The following GXYLT1 variants were observed in gnomAD, a reference collection of about 807,000 sequenced individuals.
GXYLT1 encodes the protein glycosyltransferase 8 domain containing 3.
Under a neutral mutation model 54.0 loss-of-function variants are expected in GXYLT1, and 29 were observed. The observed-to-expected ratio is 0.54, with a 90% CI of 0.40 to 0.73. GXYLT1 has a LOEUF of 0.73. Among genes scored for constraint, GXYLT1 ranks in the 30% least tolerant of loss-of-function variants. The pLI is 0.00. For missense variants in GXYLT1, 490 were observed against 553.4 expected (o/e 0.89, Z 1.15); for synonymous variants, 176 against 204.1 (o/e 0.86, Z 1.17).
chr12:42,143,444 C>T (rs1164519676), intron 1 of GXYLT1, among the ~76,000 whole-genome samples: 2 of 152,190 alleles, frequency 1.3e-5, no homozygotes, highest in Admixed American at 6.5e-5. Context: ...TTTCCCCTTT[C>T]ATTCTGGGAA....
chr12:42,139,957 G>T (rs201958389), intron 1 of GXYLT1, among the ~76,000 whole-genome samples: 1 of 151,938 alleles, frequency 6.6e-6, no homozygotes, highest in African/African-American at 2.4e-5. Flanking sequence ...CGAGGTGGGC[G>T]GATCATAAGG....
chr12:42,097,938 T>C lies in GXYLT1; in HGVS notation c.960A>G (p.Leu320=), dbSNP rs1470636866. Reference sequence around the variant, plus strand: ...GATTATGAAAAAACACGATATTCAATAGATCTTGATCACCCCATGTGATGT... The same window carrying C: ...GATTATGAAAAAACACGATATTCAACAGATCTTGATCACCCCATGTGATGT... ...KLNITWGDQD[L]LNIVFFHNPE... is the part of the protein sequence containing the mutation. Residue 320 remains leucine (L), a synonymous_variant, in exon 6 of 8, where the codon CTA becomes CTG. Transcript: ENST00000398675. The C allele has an allele frequency of 3.8e-6, 6 of 1,598,402 alleles. No individual in the cohort carries two copies. The Admixed American group carries it at 5.1e-5, about 14-fold the overall frequency.
intron 3 of GXYLT1, among the ~76,000 whole-genome samples, chr12:42,111,772 C>A (rs1402494302): frequency 6.6e-6 from 1 of 152,198 alleles, no homozygotes; most frequent in African/African-American, 2.4e-5. Flanking sequence ...CCTCTCTGAC[C>A]GCTTTGAAGA....
intron 3 of GXYLT1, among the ~76,000 whole-genome samples, chr12:42,115,560 A>T (rs1249284487): frequency 2.6e-5 from 4 of 152,152 alleles, no homozygotes; most frequent in African/African-American, 7.2e-5. Flanking sequence ...ATACCTAGGA[A>T]TCCAACTTAC....
chr12:42,105,655 C>T (rs2065414803), intron 5 of GXYLT1, among the ~76,000 whole-genome samples, 163 bp downstream of exon 5: 1 of 152,092 alleles, frequency 6.6e-6, no homozygotes, highest in African/African-American at 2.4e-5. Flanking sequence ...AATATGAACA[C>T]ACTTCTAGAT....
In GXYLT1 at chr12:42,109,684, T is replaced by C. The variant is rs748325247; in HGVS notation, c.494A>G (p.Asn165Ser). The C allele has an allele frequency of 1.6e-5, 24 of 1,517,470 alleles. No individual in the cohort carries two copies. Among genetic ancestry groups the C allele is most frequent in the East Asian group, 1.4e-4 (6 of 42,954 alleles). The allele number at this position is 1,517,470 out of a possible 1,614,324, so 94.0% of individuals were successfully genotyped here. A position where few individuals can be genotyped will look rare whatever the true frequency, so the allele number is the denominator to read the frequency against. Residue 165 changes from asparagine to serine, a missense_variant, in exon 4 of 8, where the codon AAC (asparagine) becomes AGC (serine). Around this residue, in one of 2 missense-constraint regions of GXYLT1, gnomAD observed 342 missense variants for 342.6 expected, o/e 1.00. Transcript: ENST00000398675. ...LHHSFKGRLD[N>S]WSFLQTFNYT... is the part of the protein sequence containing the mutation. The stretch of plus-strand genomic sequence containing the variant: ...ATTAAATGTTTGTAGAAATGACCAG[T>C]TGTCAAGCTAAAACAATTTAAAAAA...
chr12:42,107,471 A>G (rs2629522), intron 4 of GXYLT1, among the ~76,000 whole-genome samples: 98,216 of 152,034 alleles, frequency 0.65, 33,227 homozygotes, highest in African/African-American at 0.86. Context: ...CGGGCAGATC[A>G]CCTGAGGTCA....
chr12:42,116,276 A>T (rs919714296), intron 3 of GXYLT1, among the ~76,000 whole-genome samples: 1 of 152,170 alleles, frequency 6.6e-6, no homozygotes, highest in African/African-American at 2.4e-5. Context: ...CAAAATTGAC[A>T]AATGGGATCT....
chr12:42,144,615 C>A lies in GXYLT1; in HGVS notation c.32G>T (p.Cys11Phe). The A allele has an allele frequency of 6.8e-7, 1 of 1,475,392 alleles. No homozygotes were observed. Among genetic ancestry groups the A allele is most frequent in the Non-Finnish European group, 9.0e-7 (1 of 1,111,364 alleles). 91.4% of individuals were successfully genotyped at this position (1,475,392 alleles called of 1,614,324 possible). MRRYLRVVVL[C>F]VACGFCSLLY... ...GAGCGAGCAGAAGCCGCAGGCCACA[C>A]ACAGCACCACGACGCGCAGGTAGCG... The change falls in exon 1 of 8, where the codon TGT becomes TTT. Residue 11 changes from cysteine to phenylalanine, a missense_variant. Physicochemically the swap from Cys to Phe is radical, Grantham distance 205. This residue lies in a region of GXYLT1 where 148 missense variants were observed against 210.7 expected (regional missense o/e 0.70). Transcript: ENST00000398675.
rs10785329 is a variant in GXYLT1, at chr12:42,117,022, A to T, written c.486+1978T>A. ...AAACCATCATTCTCAGCAAACTATC[A>T]CAAGGACAAAAAACCAAACACCACA... On this transcript the variant is annotated intron_variant, in intron 3 of 7. Transcript: ENST00000398675. Among the ~76,000 whole-genome samples, 56 of 149,468 alleles carry T rather than the reference A, an allele frequency of 3.7e-4. No individual in the cohort carries two copies. The East Asian group carries it at 9.7e-3, about 26-fold the overall frequency.
In GXYLT1 at chr12:42,089,851, T is replaced by TA. The variant is rs550975769; in HGVS notation, c.1162-1905dup. ...AAAAGTGTAGCCAGGTTGAAGAAGG[T>TA]AAACTTCACCAAGTGATACTTTCAA... On this transcript the variant is annotated intron_variant, in intron 7 of 7. Transcript: ENST00000398675. 2.0e-3 allele frequency among the ~76,000 whole-genome samples: 305 copies of TA among 152,300 alleles called. 1 individual carries two copies. Among genetic ancestry groups the TA allele is most frequent in the Non-Finnish European group, 3.1e-3 (211 of 68,012 alleles).
Position 42,105,977 on chromosome 12 carries a change from T to C in GXYLT1, c.705A>G (p.Lys235=), listed in dbSNP as rs2065418139. Reference sequence around the variant, plus strand: ...TTGCAGCAATTTGTGTGGAATTAAATTTCTTTAGTAAAGACCAAATATCAT... The same window carrying C: ...TTGCAGCAATTTGTGTGGAATTAAACTTCTTTAGTAAAGACCAAATATCAT... The part of the protein sequence containing the change: ...PVDDIWSLLK[K]FNSTQIAAMA... The change falls in exon 5 of 8, where the codon AAA becomes AAG. Residue 235 remains lysine, a synonymous_variant. Transcript: ENST00000398675. 1 of 1,614,024 alleles carries C rather than the reference T, an allele frequency of 6.2e-7. No homozygotes were observed. Among genetic ancestry groups the C allele is most frequent in the Non-Finnish European group, 8.5e-7 (1 of 1,179,892 alleles).
intron 4 of GXYLT1, among the ~76,000 whole-genome samples, chr12:42,106,316 T>A (rs921909316): frequency 6.6e-6 from 1 of 152,092 alleles, no homozygotes; most frequent in Admixed American, 6.6e-5. Context: ...TTATAAAAAT[T>A]GAGAGAATAA....
At chr12:42,117,398 TATAAC>T (rs560971211) in intron 3 of GXYLT1, among the ~76,000 whole-genome samples, 136 of 152,260 alleles carry the variant, frequency 8.9e-4, no homozygotes, top group Non-Finnish European at 1.4e-3. Flanking sequence ...ATATACCACT[TATAAC>T]AGTAAGAAAA....
chr12:42,118,755 T>C (rs1200241684), intron 3 of GXYLT1, among the ~76,000 whole-genome samples: 1 of 152,182 alleles, frequency 6.6e-6, no homozygotes, highest in Non-Finnish European at 1.5e-5. Flanking sequence ...TTCTTTCTCT[T>C]TCTCTCTCTT....
chr12:42,124,397 G>T lies in GXYLT1; in HGVS notation c.315-5226C>A, dbSNP rs11832868. 6.7e-3 allele frequency among the ~76,000 whole-genome samples: 1,022 copies of T among 151,920 alleles called. 15 individuals are homozygous for T. The highest frequency in any genetic ancestry group is 0.024 in the African/African-American group (988 of 41,484). On this transcript the variant is annotated intron_variant, in intron 2 of 7. Transcript: ENST00000398675. Reference sequence around the variant, plus strand: ...GAAAGTAAAATAAAAAAACAAATTAGAAACTTATTTGCAATCAATGGCAAA... The same window carrying T: ...GAAAGTAAAATAAAAAAACAAATTATAAACTTATTTGCAATCAATGGCAAA...
chr12:42,085,898 A>G lies in GXYLT1; in HGVS notation c.*1888T>C, dbSNP rs781267950. 4.6e-5 allele frequency: 7 copies of G among 151,712 alleles called. No homozygotes were observed. Among genetic ancestry groups the G allele is most frequent in the Non-Finnish European group, 7.4e-5 (5 of 67,922 alleles). The allele number at this position is 151,712 out of a possible 1,614,324, so 9.4% of individuals were successfully genotyped here. A position where few individuals can be genotyped will look rare whatever the true frequency, so the allele number is the denominator to read the frequency against. ...ATGAAGCAAACATGGTAAGATAGTGATAAGTGTCAGATCTGGATGTTGAGT... is the reference window on the plus strand; with the variant it reads ...ATGAAGCAAACATGGTAAGATAGTGGTAAGTGTCAGATCTGGATGTTGAGT... On this transcript the variant is annotated 3_prime_UTR_variant, in exon 8 of 8. Transcript: ENST00000398675.
At chr12:42,116,028 G>A (rs1368414548) in intron 3 of GXYLT1, among the ~76,000 whole-genome samples, 3 of 151,912 alleles carry the variant, frequency 2.0e-5, no homozygotes, top group African/African-American at 4.8e-5. Flanking sequence ...AAGCAATGGG[G>A]AAAGGATTCC....
At chr12:42,094,795 C>A (rs1171103618) in intron 7 of GXYLT1, among the ~76,000 whole-genome samples, 1 of 151,946 alleles carries the variant, frequency 6.6e-6, no homozygotes, top group African/African-American at 2.4e-5. Context: ...ATATTCCTAA[C>A]ATACAAAGAA....
Sources: allele counts gnomAD v4.1 joint callset (sites outside exome capture counted in the v4.1 genomes callset), GRCh38; gene constraint gnomAD v4.1.1; regional missense constraint gnomAD v4.1.1; transcripts MANE v1.5; gene names NCBI Gene and HGNC (gene_info 2026-07-23, HGNC 2026-07-21).